The following SEPTIN10 variants were observed in gnomAD, a reference collection of about 807,000 sequenced individuals.
SEPTIN10 encodes the protein septin 10.
A neutral mutation model predicts 54.8 loss-of-function variants in SEPTIN10; 66 were observed. The observed-to-expected ratio is 1.21, with a 90% CI of 0.99 to 1.48. The LOEUF (loss-of-function observed/expected upper bound fraction) is 1.48, where lower values mean the gene tolerates loss of function less well. SEPTIN10 is among the 40% of genes most tolerant of loss of function. SEPTIN10 has a pLI of 0.00. For missense variants in SEPTIN10, 620 were observed against 545.6 expected (o/e 1.14, Z -1.36); for synonymous variants, 161 against 181.0 (o/e 0.89, Z 0.89).
intron 9 of SEPTIN10, among the ~76,000 whole-genome samples, chr2:109,550,777 G>A (rs887896113): frequency 2.6e-5 from 4 of 152,112 alleles, no homozygotes; most frequent in Non-Finnish European, 4.4e-5. Flanking sequence ...CAGGGCTCTC[G>A]GCTGCCCTCT....
At chr2:109,550,203 T>C (rs930632903) in intron 9 of SEPTIN10, among the ~76,000 whole-genome samples, 10 of 151,774 alleles carry the variant, frequency 6.6e-5, no homozygotes, top group East Asian at 2.0e-4. Flanking sequence ...GGCAGGACAA[T>C]TGCTTGAACC....
chr2:109,598,066 G>A (rs1695697038), intron 1 of SEPTIN10, among the ~76,000 whole-genome samples: 2 of 152,140 alleles, frequency 1.3e-5, no homozygotes, highest in South Asian at 4.2e-4. Flanking sequence ...TTTTTGTTTT[G>A]TTTTGTTTTT....
chr2:109,547,044 A>C (rs1461337139), intron 9 of SEPTIN10, among the ~76,000 whole-genome samples: 3 of 152,182 alleles, frequency 2.0e-5, no homozygotes, highest in Non-Finnish European at 4.4e-5. Context: ...CAAAGAAAAA[A>C]GGTATCCAGC....
At chr2:109,577,202 T>C (rs1377041576) in intron 4 of SEPTIN10, among the ~76,000 whole-genome samples, 1 of 152,142 alleles carries the variant, frequency 6.6e-6, no homozygotes, top group Non-Finnish European at 1.5e-5. Context: ...GAATTGTACA[T>C]CCAACTAAAA....
chr2:109,544,776 T>C (rs1680746368), intron 10 of SEPTIN10: 4 of 819,766 alleles, frequency 4.9e-6, no homozygotes, highest in South Asian at 1.1e-4. Context: ...TTTTATACTA[T>C]TTATTCTTTC....
chr2:109,552,043 C>T (rs913911521), intron 9 of SEPTIN10, among the ~76,000 whole-genome samples: 1 of 152,190 alleles, frequency 6.6e-6, no homozygotes. Flanking sequence ...TGCCTGAGCT[C>T]CGCCTACTGT....
intron 5 of SEPTIN10, among the ~76,000 whole-genome samples, chr2:109,572,045 C>T (rs1307563874): frequency 1.3e-5 from 2 of 152,170 alleles, no homozygotes; most frequent in African/African-American, 4.8e-5. Flanking sequence ...TTCATATATG[C>T]CAGGCATTGT....
At position 109,544,244 on chromosome 2, in the gene SEPTIN10, C is replaced by A; in HGVS notation, c.*65G>T. 2 of 1,612,424 alleles carry A rather than the reference C, an allele frequency of 1.2e-6. No individual in the cohort carries two copies. The highest frequency in any genetic ancestry group is 1.7e-6 in the Non-Finnish European group (2 of 1,179,480). On this transcript the variant is annotated 3_prime_UTR_variant, in exon 11 of 11. Coordinates refer to ENST00000397712, the MANE Select transcript of SEPTIN10 (RefSeq NM_144710.5). ...CAAATAACAGCAAAATCAAAGCACACTTCTAGTTTTTTTTTAATAAAGTTT... is the reference window on the plus strand; with the variant it reads ...CAAATAACAGCAAAATCAAAGCACAATTCTAGTTTTTTTTTAATAAAGTTT...
At chr2:109,545,218 T>C (rs980072478) in intron 10 of SEPTIN10, 1 of 985,276 alleles carries the variant, frequency 1.0e-6, no homozygotes, top group African/African-American at 1.7e-5. Flanking sequence ...ATGAGCATTC[T>C]GAATAGAACA....
chr2:109,564,143 T>G (rs896933234), intron 8 of SEPTIN10: 1 of 394,776 alleles, frequency 2.5e-6, no homozygotes, highest in East Asian at 3.7e-5. Flanking sequence ...TTCATCATAT[T>G]TAACTCTTTT....
At chr2:109,602,605 G>A (rs986085494) in intron 1 of SEPTIN10, among the ~76,000 whole-genome samples, 8 of 151,278 alleles carry the variant, frequency 5.3e-5, no homozygotes, top group African/African-American at 1.9e-4. Flanking sequence ...AACCTGGGAG[G>A]CAGAGGTTGC....
In SEPTIN10 at chr2:109,567,955, C is replaced by T; in HGVS notation, c.622G>A (p.Ala208Thr). Residue 208 changes from alanine (A) to threonine (T), a missense_variant, in exon 6 of 11, where the codon GCC becomes ACC. Ala to Thr is a moderately conservative substitution (Grantham distance 58). Coordinates refer to ENST00000397712, the MANE Select transcript of SEPTIN10 (RefSeq NM_144710.5). ...GTTTTAGAAACCGTATCTGCTTTGG[C>T]AATCACTGGTATAATGTTTACCTAT... ...DSKVNIIPVI[A>T]KADTVSKTEL... 1 of 1,611,638 alleles carries T rather than the reference C, an allele frequency of 6.2e-7. No individual in the cohort carries two copies. Among genetic ancestry groups the T allele is most frequent in the East Asian group, 2.2e-5 (1 of 44,838 alleles).
At chr2:109,571,235 T>C (rs1228690867) in intron 5 of SEPTIN10, among the ~76,000 whole-genome samples, 1 of 152,232 alleles carries the variant, frequency 6.6e-6, no homozygotes, top group Middle Eastern at 3.2e-3. Context: ...ACCTCTTTTC[T>C]TCATAAATTA....
intron 1 of SEPTIN10, among the ~76,000 whole-genome samples, chr2:109,595,323 A>T (rs1695078111): frequency 6.6e-6 from 1 of 152,344 alleles, no homozygotes; most frequent in African/African-American, 2.4e-5. Flanking sequence ...CTAAAAGGCA[A>T]AAAGTATGTA....
Position 109,591,726 on chromosome 2 carries a change from C to T in SEPTIN10, c.99+1325G>A, listed in dbSNP as rs764320574. Among the ~76,000 whole-genome samples the T allele has an allele frequency of 3.3e-5, 5 of 151,982 alleles. No individual in the cohort carries two copies. The South Asian group carries it at 8.4e-4, about 25-fold the overall frequency. On this transcript the variant is annotated intron_variant, in intron 2 of 10. Transcript: ENST00000397712. ...AGCCTGGCCAACACGAGCAAAACCCCGTCTCTAGTAACAATACAAAAATTG... is the reference window on the plus strand; with the variant it reads ...AGCCTGGCCAACACGAGCAAAACCCTGTCTCTAGTAACAATACAAAAATTG...
rs889232177 is a variant in SEPTIN10 at position 109,543,016 on chromosome 2, A to C, written c.*1293T>G. The stretch of plus-strand genomic sequence containing the variant: ...ATATATGTTTTATTTGTCAAGAGTA[A>C]ATGTCAGTTTTATTTAGAATATTCA... On this transcript the variant is annotated 3_prime_UTR_variant, in exon 11 of 11. Transcript: ENST00000397712. 6.6e-6 allele frequency: 1 copy of C among 152,628 alleles called. No homozygotes were observed. The highest frequency in any genetic ancestry group is 2.4e-5 in the African/African-American group (1 of 41,452). The allele number at this position is 152,628 out of a possible 1,614,324, so 9.5% of individuals were successfully genotyped here. A position where few individuals can be genotyped will look rare whatever the true frequency, so the allele number is the denominator to read the frequency against.
chr2:109,545,151 G>A (rs1680855637), intron 10 of SEPTIN10: 1 of 985,220 alleles, frequency 1.0e-6, no homozygotes, highest in South Asian at 4.7e-5. Context: ...GAACATGGGA[G>A]CATGCAACGC....
At chr2:109,613,520 G>C (rs776743532) in intron 1 of SEPTIN10, 1 of 236,162 alleles carries the variant, frequency 4.2e-6, no homozygotes, top group African/African-American at 2.3e-5. Flanking sequence ...TGTAACTTTT[G>C]GCAAAGACCG....
At chr2:109,545,485 A>AT in intron 10 of SEPTIN10, 1 of 1,536,114 alleles carries the variant, frequency 6.5e-7, no homozygotes, top group Non-Finnish European at 8.7e-7. Flanking sequence ...TACGTCCACC[A>AT]TTGGTTTCAC....
Sources: allele counts gnomAD v4.1 joint callset (sites outside exome capture counted in the v4.1 genomes callset), GRCh38; gene constraint gnomAD v4.1.1; transcripts MANE v1.5; gene names NCBI Gene and HGNC (gene_info 2026-07-23, HGNC 2026-07-21).